KCNIP4: variants seen among roughly 807,000 people sequenced by gnomAD.
The protein encoded by KCNIP4 is Kv channel-interacting protein 4.
Under a neutral mutation model 34.0 loss-of-function variants are expected in KCNIP4, and 12 were observed. That is an observed-to-expected ratio of 0.35 (90% CI 0.23 to 0.57). The LOEUF (loss-of-function observed/expected upper bound fraction) is 0.57, where lower values mean the gene tolerates loss of function less well. Ranked by LOEUF, KCNIP4 falls within the 20% of genes least tolerant of loss-of-function variation. The pLI is 0.83. For synonymous variants in KCNIP4, 124 were observed against 102.2 expected, an observed-to-expected ratio of 1.21 and a Z score of -1.29; for missense variants, 238 against 311.7, an observed-to-expected ratio of 0.76 and a Z score of 1.78.
chr4:21,755,832 G>T (rs1307449531), intron 1 of KCNIP4, among the ~76,000 whole-genome samples: 1 of 152,086 alleles, frequency 6.6e-6, no homozygotes. Context: ...CTCAGATGTG[G>T]TCTTACATAT....
At chr4:20,744,798 T>C (rs1270364875) in intron 5 of KCNIP4, among the ~76,000 whole-genome samples, 1 of 152,032 alleles carries the variant, frequency 6.6e-6, no homozygotes, top group Non-Finnish European at 1.5e-5. Context: ...AAAATAAAGA[T>C]AGCACGTTTA....
intron 1 of KCNIP4, among the ~76,000 whole-genome samples, chr4:21,637,778 C>T (rs1388399488): frequency 5.4e-5 from 5 of 93,212 alleles, no homozygotes; most frequent in Admixed American, 1.3e-4. Flanking sequence ...AACAAAAGTC[C>T]GTCTCAAAAA....
intron 1 of KCNIP4, among the ~76,000 whole-genome samples, chr4:21,831,662 T>TAAAAA (rs1722997752): frequency 1.8e-4 from 1 of 5,490 alleles, no homozygotes; most frequent in Admixed American, 2.3e-3. Flanking sequence ...ACATTTTTCA[T>TAAAAA]CAAAAAAAAA....
chr4:20,981,661 T>C (rs1410403318), intron 1 of KCNIP4, among the ~76,000 whole-genome samples: 1 of 152,194 alleles, frequency 6.6e-6, no homozygotes, highest in Non-Finnish European at 1.5e-5. Flanking sequence ...CAAACTAGTA[T>C]TTCCTAACAT....
rs1553906760 is a variant in KCNIP4 at position 21,582,082 on chromosome 4, G to GGAATGGAATA, written c.61+366488_61+366489insTATTCCATTC. 1,113 of 150,002 alleles carry GGAATGGAATA rather than the reference G, an allele frequency of 7.4e-3. 12 individuals are homozygous for GGAATGGAATA. The highest frequency in any genetic ancestry group is 0.024 in the African/African-American group (976 of 40,426). The allele number at this position is 150,002 out of a possible 1,614,324, so 9.3% of individuals were successfully genotyped here. On this transcript the variant is annotated intron_variant, in intron 1 of 8. Transcript: ENST00000382152. ...GGAATGGAATGGAATGGAATGGAAT[G>GGAATGGAATA]GAATGGGATGGGATATTGTCAGAGA...
At chr4:21,284,872 G>C (rs919446110) in intron 1 of KCNIP4, among the ~76,000 whole-genome samples, 1 of 152,002 alleles carries the variant, frequency 6.6e-6, no homozygotes, top group African/African-American at 2.4e-5. Flanking sequence ...CACACCCACC[G>C]GGAGAAGGGA....
At chr4:20,963,806 A>G (rs2149664584) in intron 1 of KCNIP4, among the ~76,000 whole-genome samples, 1 of 152,246 alleles carries the variant, frequency 6.6e-6, no homozygotes, top group African/African-American at 2.4e-5. Context: ...GACGAGAATG[A>G]GCATGGTGAG....
intron 1 of KCNIP4, among the ~76,000 whole-genome samples, chr4:21,474,569 C>G (rs1405034011): frequency 2.6e-5 from 4 of 152,208 alleles, no homozygotes; most frequent in African/African-American, 7.2e-5. Flanking sequence ...AAAAAGAAAG[C>G]CTTTCCCCAA....
intron 1 of KCNIP4, among the ~76,000 whole-genome samples, chr4:20,900,489 T>C (rs1491358): frequency 0.18 from 27,482 of 152,186 alleles, 2,605 homozygotes; most frequent in East Asian, 0.26. Flanking sequence ...TCATTGTTGG[T>C]TGAATTTCAA....
At chr4:21,094,061 G>T (rs976348463) in intron 1 of KCNIP4, among the ~76,000 whole-genome samples, 4 of 150,712 alleles carry the variant, frequency 2.7e-5, no homozygotes, top group African/African-American at 9.8e-5. Flanking sequence ...CAGCCTGGGC[G>T]ACAGAGCAAG....
intron 1 of KCNIP4, among the ~76,000 whole-genome samples, chr4:21,858,849 G>A (rs937264008): frequency 6.6e-6 from 1 of 152,186 alleles, no homozygotes; most frequent in African/African-American, 2.4e-5. Context: ...TATTGTGGCT[G>A]TTAGCTGAAA....
intron 1 of KCNIP4, among the ~76,000 whole-genome samples, chr4:21,589,516 T>G (rs184490486): frequency 2.0e-5 from 3 of 151,284 alleles, no homozygotes; most frequent in Non-Finnish European, 4.4e-5. Context: ...AAAATATTAA[T>G]GCAAAAGGGT....
chr4:21,597,146 A>G (rs892365474), intron 1 of KCNIP4, among the ~76,000 whole-genome samples: 9 of 152,034 alleles, frequency 5.9e-5, no homozygotes, highest in Non-Finnish European at 8.8e-5. Flanking sequence ...TAATTCTCAC[A>G]TGTTGTGGGA....
intron 5 of KCNIP4, among the ~76,000 whole-genome samples, chr4:20,735,787 C>T (rs945987588): frequency 3.9e-5 from 6 of 152,056 alleles, no homozygotes; most frequent in South Asian, 2.1e-4. Context: ...TGCCCACCGC[C>T]GCCTCTCAAA....
chr4:21,460,097 C>A (rs75743843), intron 1 of KCNIP4, among the ~76,000 whole-genome samples: 1 of 115,360 alleles, frequency 8.7e-6, no homozygotes, highest in Non-Finnish European at 2.2e-5. Context: ...GCAAAATCTG[C>A]CCCCCGCCCC....
chr4:20,756,592 G>A (rs375383320), intron 4 of KCNIP4, among the ~76,000 whole-genome samples: 4 of 151,852 alleles, frequency 2.6e-5, no homozygotes, highest in African/African-American at 4.8e-5. Flanking sequence ...ATTGGTTGTC[G>A]CTGTTTTCTT....
intron 1 of KCNIP4, among the ~76,000 whole-genome samples, chr4:21,192,065 A>C (rs1202093542): frequency 2.6e-5 from 4 of 152,166 alleles, no homozygotes; most frequent in African/African-American, 9.7e-5. Flanking sequence ...TAGAAGTATA[A>C]CTTGTTTGAG....
At chr4:21,788,321 T>A (rs1720046085) in intron 1 of KCNIP4, among the ~76,000 whole-genome samples, 1 of 152,176 alleles carries the variant, frequency 6.6e-6, no homozygotes, top group Admixed American at 6.6e-5. Context: ...ACTTCCTTAC[T>A]TGAAGGATAT....
intron 1 of KCNIP4, among the ~76,000 whole-genome samples, chr4:20,928,262 T>A (rs1039144042): frequency 1.3e-5 from 2 of 151,858 alleles, no homozygotes; most frequent in African/African-American, 2.4e-5. Flanking sequence ...TTTTGTATTT[T>A]ATTCTTCCTA....
Sources: gnomAD v4.1 joint callset for allele counts (sites outside exome capture counted in the v4.1 genomes callset) on GRCh38, gnomAD v4.1.1 for gene constraint, MANE v1.5 for transcripts, NCBI Gene and HGNC (gene_info 2026-07-23, HGNC 2026-07-21) for gene names.